The following SPTBN2 variants were observed in gnomAD, a reference collection of about 807,000 sequenced individuals.
SPTBN2 encodes the protein spectrin beta chain, non-erythrocytic 2.
A neutral mutation model predicts 284.2 loss-of-function variants in SPTBN2; 107 were observed. That is an observed-to-expected ratio of 0.38 (90% CI 0.32 to 0.44). The LOEUF is 0.44. SPTBN2 is among the 20% of genes least tolerant of loss of function. SPTBN2 has a pLI of 1.00. For missense variants in SPTBN2, 2,569 were observed against 3,287.1 expected (o/e 0.78, Z 5.34); for synonymous variants, 1,289 against 1,354.8 (o/e 0.95, Z 1.07).
intron 1 of SPTBN2, among the ~76,000 whole-genome samples, chr11:66,737,627 G>A (rs772039582): frequency 1.3e-5 from 2 of 152,034 alleles, no homozygotes; most frequent in Non-Finnish European, 2.9e-5. Flanking sequence ...CCTCTGAGGC[G>A]GCAAATTTCC....
At position 66,718,459 on chromosome 11, in the gene SPTBN2, G is replaced by C. The variant is rs1202691788; in HGVS notation, c.158-2478C>G. ...GGGCCTCACCTTGCAGCTGTTTGAAGCGTCCTTCCAGCACGCTGGCATACT... is the reference window on the plus strand; with the variant it reads ...GGGCCTCACCTTGCAGCTGTTTGAACCGTCCTTCCAGCACGCTGGCATACT... On this transcript the variant is annotated intron_variant, in intron 3 of 37. Transcript: ENST00000533211. This position sits in a 1 kb window ranked among gnomAD's most constrained non-coding sequence, Gnocchi z 4.8. Among the ~76,000 whole-genome samples, 1 of 152,076 alleles carries C rather than the reference G, an allele frequency of 6.6e-6. No individual in the cohort carries two copies. Among genetic ancestry groups the C allele is most frequent in the African/African-American group, 2.4e-5 (1 of 41,420 alleles).
At chr11:66,716,057 G>T in intron 3 of SPTBN2, 76 bp from the exon 4 acceptor site, 1 of 1,599,444 alleles carries the variant, frequency 6.3e-7, no homozygotes, top group South Asian at 1.1e-5. Context: ...TGGCAGGGGT[G>T]GGGGATGGAG....
At chr11:66,712,295 T>A (rs1941907705) in intron 8 of SPTBN2, among the ~76,000 whole-genome samples, 1 of 152,232 alleles carries the variant, frequency 6.6e-6, no homozygotes, top group African/African-American at 2.4e-5. Context: ...ACACCTGTTA[T>A]CACAGCGCAT....
At position 66,687,984 on chromosome 11, in the gene SPTBN2, C is replaced by G; in HGVS notation, c.6450+20G>C. On this transcript the variant is annotated intron_variant, in intron 33 of 37. Transcript: ENST00000533211. This position sits in a 1 kb window ranked among gnomAD's most constrained non-coding sequence, Gnocchi z 5.2. ...AGGGGCTACGACTCCGATGGGGGCA[C>G]AGAGGGACAGTGGGGTCACCTGTGA... The G allele has an allele frequency of 1.1e-5, 17 of 1,614,218 alleles. No homozygotes were observed. The highest frequency in any genetic ancestry group is 1.6e-4 in the Middle Eastern group (1 of 6,062).
intron 26 of SPTBN2, among the ~76,000 whole-genome samples, chr11:66,692,101 T>C (rs1008757139): frequency 4.6e-5 from 7 of 152,160 alleles, no homozygotes; most frequent in African/African-American, 1.7e-4. Context: ...TGTGTATGTA[T>C]TTAGAGATGA....
In SPTBN2 at chr11:66,687,915, G is replaced by A. The variant is rs995406950; in HGVS notation, c.6454C>T (p.Leu2152=). The change falls in exon 34 of 38, where the codon CTG becomes TTG. Residue 2152 remains leucine (L), a synonymous_variant. Transcript: ENST00000533211. This position sits in a 1 kb window ranked among gnomAD's most constrained non-coding sequence, Gnocchi z 5.2. ...TGCTCAAGTCTCTGTTGTCCCAGCA[G>A]GGGCTGCAAGGACAAGAATCTGTAA... ...VCTDGEPSQP[L]LGQQRLEHSS... is the part of the protein sequence containing the mutation. The A allele has an allele frequency of 6.2e-7, 1 of 1,614,098 alleles. No individual in the cohort carries two copies. Among genetic ancestry groups the A allele is most frequent in the Admixed American group, 1.7e-5 (1 of 60,010 alleles).
rs747833695 is a variant in SPTBN2, at chr11:66,688,063, G to A, written c.6391C>T (p.Pro2131Ser). The change falls in exon 33 of 38, where the codon CCA becomes TCA. Residue 2131 changes from proline to serine, a missense_variant. By Grantham distance (74) the Pro-to-Ser change is moderately conservative (BLOSUM62 -1). Transcript: ENST00000533211. ...ACACTGGGTGCTTGTGTGGATGGTG[G>A]TGGCCGTGGCTGGGTTCTGGGATGA... is the stretch of plus-strand genomic sequence containing the variant. ...TTWDGTQPRP[P>S]PSTQAPSVNG... The A allele has an allele frequency of 7.4e-6, 12 of 1,614,012 alleles. No homozygotes were observed. Among genetic ancestry groups the A allele is most frequent in the Non-Finnish European group, 1.0e-5 (12 of 1,180,030 alleles).
intron 3 of SPTBN2, among the ~76,000 whole-genome samples, chr11:66,720,349 T>TG (rs1329611936): frequency 1.3e-5 from 2 of 152,052 alleles, no homozygotes; most frequent in Non-Finnish European, 2.9e-5. Context: ...TAGGTGGCCT[T>TG]GGGGTGTGTG....
At position 66,692,564 on chromosome 11, in the gene SPTBN2, T is replaced by C. The variant is rs1230586497; in HGVS notation, c.5162A>G (p.Glu1721Gly). 6.2e-7 allele frequency: 1 copy of C among 1,605,054 alleles called. No individual in the cohort carries two copies. The highest frequency in any genetic ancestry group is 8.5e-7 in the Non-Finnish European group (1 of 1,179,914). Residue 1721 changes from glutamate to glycine, a missense_variant, in exon 26 of 38, where the codon GAG (glutamate) becomes GGG (glycine). Around this residue, in one of 6 missense-constraint regions of SPTBN2, gnomAD observed 1,130 missense variants for 1,317.3 expected, o/e 0.86. Transcript: ENST00000533211. ...CACATGCTCGTAGTCCTGGCCCAGC[T>C]CGTGGGAGGCCGCCACCACCTCGCG... is the stretch of plus-strand genomic sequence containing the variant. ...QEREVVAASHELGQDYEHVTM... is the reference protein window; with the variant it reads ...QEREVVAASHGLGQDYEHVTM...
chr11:66,697,180 T>G (rs11825713), intron 20 of SPTBN2, among the ~76,000 whole-genome samples: 1,671 of 152,252 alleles, frequency 0.011, 41 homozygotes, highest in African/African-American at 0.038. Flanking sequence ...AGGGTTGGGC[T>G]CCTGATGCCC....
At chr11:66,712,069 C>T (rs1346300530) in intron 8 of SPTBN2, among the ~76,000 whole-genome samples, 1 of 152,230 alleles carries the variant, frequency 6.6e-6, no homozygotes, top group Admixed American at 6.5e-5. Flanking sequence ...GCGGAGGAAA[C>T]AGGCTCTGGA....
chr11:66,714,795 T>G (rs545246361), intron 5 of SPTBN2, among the ~76,000 whole-genome samples: 1 of 152,060 alleles, frequency 6.6e-6, no homozygotes, highest in East Asian at 1.9e-4. Flanking sequence ...ATGAGGACAC[T>G]GGGGCATGAG....
Position 66,691,199 on chromosome 11 carries a change from C to T in SPTBN2, c.5565+85G>A. 1.4e-6 allele frequency: 2 copies of T among 1,471,612 alleles called. No homozygotes were observed. The highest frequency in any genetic ancestry group is 1.8e-6 in the Non-Finnish European group (2 of 1,108,324). 91.2% of individuals were successfully genotyped at this position (1,471,612 alleles called of 1,614,324 possible). On this transcript the variant is annotated intron_variant, in intron 27 of 37. Coordinates refer to ENST00000533211, the MANE Select transcript of SPTBN2 (RefSeq NM_006946.4). The surrounding 1 kb of genome is among the most constrained non-coding windows in gnomAD (Gnocchi z 8.0). Reference sequence around the variant, plus strand: ...GCCGTCCTCCCAGCATTTCTGAGCTCTACCCTAGCTCCTGGGAACTCTCCC... The same window carrying T: ...GCCGTCCTCCCAGCATTTCTGAGCTTTACCCTAGCTCCTGGGAACTCTCCC...
At position 66,689,948 on chromosome 11, in the gene SPTBN2, G is replaced by C. The variant is rs370483753; in HGVS notation, c.5811-5C>G. The C allele has an allele frequency of 3.0e-5, 48 of 1,613,662 alleles. No homozygotes were observed. The South Asian group carries it at 4.4e-4, about 15-fold the overall frequency. ...AGATCCGCGGAGGACACATCCCTGGGGGGAGGCAGAAACAGCATCACCTGC... is the reference window on the plus strand; with the variant it reads ...AGATCCGCGGAGGACACATCCCTGGCGGGAGGCAGAAACAGCATCACCTGC... On this transcript the variant is annotated splice_polypyrimidine_tract_variant and splice_region_variant and intron_variant, in intron 28 of 37. Transcript: ENST00000533211.
In SPTBN2 at chr11:66,715,123, C is replaced by T; in HGVS notation, c.483+99G>A. On this transcript the variant is annotated intron_variant, in intron 5 of 37. Transcript: ENST00000533211. This position sits in a 1 kb window ranked among gnomAD's most constrained non-coding sequence, Gnocchi z 5.3. ...CAGCTGCTACATAAGGTTCTAGATC[C>T]TCCATCTTTGTGTTTGTTGTGTCAT... 6.7e-7 allele frequency: 1 copy of T among 1,491,434 alleles called. No homozygotes were observed. Among genetic ancestry groups the T allele is most frequent in the Non-Finnish European group, 9.3e-7 (1 of 1,076,152 alleles). The allele number at this position is 1,491,434 out of a possible 1,614,324, so 92.4% of individuals were successfully genotyped here.
In SPTBN2 at chr11:66,688,293, C is replaced by T. The variant is rs145191943; in HGVS notation, c.6250G>A (p.Glu2084Lys). 8.1e-5 allele frequency: 130 copies of T among 1,602,070 alleles called. No homozygotes were observed. The highest frequency in any genetic ancestry group is 1.1e-4 in the Non-Finnish European group (128 of 1,174,384). Reference sequence around the variant, plus strand: ...TCCTCCTCCCTCTTTCTCTTTCGCTCCTTCTCCCGCTCCTCTAGCTGTCAA... The same window carrying T: ...TCCTCCTCCCTCTTTCTCTTTCGCTTCTTCTCCCGCTCCTCTAGCTGTCAA... ...KLTALEEREK[E>K]RKRKREEEER... is the part of the protein sequence containing the mutation. The change falls in exon 32 of 38, where the codon GAG becomes AAG. Residue 2084 changes from glutamate to lysine, a missense_variant. By Grantham distance (56) the Glu-to-Lys change is moderately conservative. Coordinates refer to ENST00000533211, the MANE Select transcript of SPTBN2 (RefSeq NM_006946.4).
At chr11:66,743,988 G>A (rs1405855288) in intron 1 of SPTBN2, among the ~76,000 whole-genome samples, 1 of 152,106 alleles carries the variant, frequency 6.6e-6, no homozygotes, top group Non-Finnish European at 1.5e-5. Context: ...AGCCTCCCGA[G>A]TAGCTGGGAT....
chr11:66,689,109 G>C lies in SPTBN2; in HGVS notation c.6021C>G (p.Asp2007Glu), dbSNP rs1310885749. 9 of 1,608,704 alleles carry C rather than the reference G, an allele frequency of 5.6e-6. No individual in the cohort carries two copies. Among genetic ancestry groups the C allele is most frequent in the Non-Finnish European group, 7.6e-6 (9 of 1,177,438 alleles). Residue 2007 changes from aspartate (D) to glutamate (E), a missense_variant, in exon 30 of 38, where the codon GAC (aspartate) becomes GAG (glutamate). Physicochemically the swap from Asp to Glu is conservative, Grantham distance 45 (BLOSUM62 2). Around this residue, in one of 6 missense-constraint regions of SPTBN2, gnomAD observed 1,130 missense variants for 1,317.3 expected, o/e 0.86. Transcript: ENST00000533211. Reference protein sequence around the residue: ...ETAEKWQEKMDWLQLVLEVLV... With the variant: ...ETAEKWQEKMEWLQLVLEVLV... ...TTGGCAGCTCACCCAGCTGAAGCCA[G>C]TCCATCTTCTCCTGCCACTTCTCAG...
chr11:66,733,850 C>T (rs1033006614), upstream of SPTBN2, among the ~76,000 whole-genome samples: 9 of 151,906 alleles, frequency 5.9e-5, no homozygotes, highest in Non-Finnish European at 1.2e-4. Flanking sequence ...CGGTGGCAGG[C>T]GCCTGTAGTC....
Sources: allele counts gnomAD v4.1 joint callset (sites outside exome capture counted in the v4.1 genomes callset), GRCh38; gene constraint gnomAD v4.1.1; regional missense constraint gnomAD v4.1.1; non-coding constraint Gnocchi (gnomAD v3.1); transcripts MANE v1.5; gene names NCBI Gene and HGNC (gene_info 2026-07-23, HGNC 2026-07-21).